Variants in LPP observed in about 807,000 individuals in gnomAD.
The protein encoded by LPP is LIM domain containing preferred translocation partner in lipoma, also known as lipoma-preferred partner.
A neutral mutation model predicts 60.4 loss-of-function variants in LPP; 38 were observed. That is an observed-to-expected ratio of 0.63 (90% CI 0.49 to 0.83). The LOEUF is 0.83. Among genes scored for constraint, LPP ranks in the 40% least tolerant of loss-of-function variants. The probability of loss-of-function intolerance (pLI) is 0.00; values close to 1 mark genes in which losing one functional copy is unlikely to be tolerated. For synonymous variants in LPP, 328 were observed against 290.8 expected (o/e 1.13, Z -1.30); for missense variants, 902 against 783.6 (o/e 1.15, Z -1.80).
At chr3:188,219,965 T>G (rs1715161161) in intron 1 of LPP, among the ~76,000 whole-genome samples, 1 of 152,186 alleles carries the variant, frequency 6.6e-6, no homozygotes, top group South Asian at 2.1e-4. Context: ...TTAGAAGTGA[T>G]CTCTGTGTTC....
chr3:188,503,522 T>C (rs1416115172), intron 5 of LPP, among the ~76,000 whole-genome samples: 1 of 152,196 alleles, frequency 6.6e-6, no homozygotes, highest in South Asian at 2.1e-4. Context: ...TTCTGACATC[T>C]GTATTTCTTT....
At chr3:188,367,614 A>G (rs1256224608) in intron 3 of LPP, among the ~76,000 whole-genome samples, 1 of 152,210 alleles carries the variant, frequency 6.6e-6, no homozygotes, top group East Asian at 1.9e-4. Context: ...TCAAGTCTAA[A>G]GCTATGCCCT....
At chr3:188,761,289 T>C (rs574332507) in intron 9 of LPP, among the ~76,000 whole-genome samples, 2 of 152,344 alleles carry the variant, frequency 1.3e-5, no homozygotes, top group South Asian at 4.1e-4. Flanking sequence ...GCCTGGTTGG[T>C]ATTTTCCTAT....
At chr3:188,164,853 G>A (rs1719452026) in intron 1 of LPP, among the ~76,000 whole-genome samples, 1 of 152,126 alleles carries the variant, frequency 6.6e-6, no homozygotes, top group African/African-American at 2.4e-5. Flanking sequence ...TGTATCAGGT[G>A]CATCTGTGAA....
At chr3:188,234,070 C>T (rs1265124550) in intron 2 of LPP, among the ~76,000 whole-genome samples, 1 of 152,128 alleles carries the variant, frequency 6.6e-6, no homozygotes, top group Non-Finnish European at 1.5e-5. Flanking sequence ...TCCTTTAAGC[C>T]TCCTGTGTTG....
chr3:188,397,738 C>T (rs770366607), intron 3 of LPP, among the ~76,000 whole-genome samples: 3 of 152,068 alleles, frequency 2.0e-5, no homozygotes. Context: ...CTTAGCCTCC[C>T]AAGTAGCTGG....
At chr3:188,244,903 A>C (rs567383428) in intron 2 of LPP, among the ~76,000 whole-genome samples, 32 of 152,222 alleles carry the variant, frequency 2.1e-4, no homozygotes, top group African/African-American at 7.7e-4. Context: ...AATGAATCTG[A>C]GTGAATGAAT....
intron 9 of LPP, among the ~76,000 whole-genome samples, chr3:188,791,394 G>A (rs942616590): frequency 1.3e-5 from 2 of 151,930 alleles, no homozygotes; most frequent in African/African-American, 4.8e-5. Context: ...TCTGTCTCTA[G>A]TTGTTCTGTA....
intron 1 of LPP, among the ~76,000 whole-genome samples, chr3:188,218,167 C>T (rs114338848): frequency 1.8e-4 from 27 of 152,344 alleles, no homozygotes; most frequent in African/African-American, 6.3e-4. Context: ...CTCTCCTTGT[C>T]TTGAGGACTG....
intron 9 of LPP, among the ~76,000 whole-genome samples, chr3:188,770,168 CTTTTTTTTTT>C (rs57278260): frequency 0.09 from 5,836 of 64,676 alleles, 492 homozygotes; most frequent in African/African-American, 0.28. Context: ...AGTTATAATT[CTTTTTTTTTT>C]TTTTTTTTTT....
chr3:188,548,053 C>T (rs1488906848), intron 6 of LPP, among the ~76,000 whole-genome samples: 3 of 152,156 alleles, frequency 2.0e-5, no homozygotes, highest in South Asian at 4.1e-4. Context: ...CCATTGTTAA[C>T]GTGGGATCTC....
intron 1 of LPP, among the ~76,000 whole-genome samples, chr3:188,195,982 C>T (rs1269855012): frequency 6.6e-6 from 1 of 152,178 alleles, no homozygotes. Context: ...CTTCTTTTGG[C>T]TTCTTAACCC....
At chr3:188,372,679 T>C (rs533101082) in intron 3 of LPP, among the ~76,000 whole-genome samples, 5 of 151,948 alleles carry the variant, frequency 3.3e-5, no homozygotes, top group African/African-American at 9.6e-5. Flanking sequence ...GTAAATATTA[T>C]GTTGGCTTCT....
intron 4 of LPP, among the ~76,000 whole-genome samples, chr3:188,443,014 A>C (rs558512650): frequency 1.3e-5 from 2 of 152,188 alleles, no homozygotes; most frequent in African/African-American, 2.4e-5. Flanking sequence ...GAGACACACA[A>C]ATTTTTTTTC....
intron 9 of LPP, among the ~76,000 whole-genome samples, chr3:188,775,113 C>A (rs972582043): frequency 2.0e-5 from 3 of 147,864 alleles, no homozygotes; most frequent in Non-Finnish European, 4.5e-5. Flanking sequence ...AGTGTAGTGG[C>A]ACAATCTTGG....
At chr3:188,757,889 G>GTTTAT (rs1730815294) in intron 8 of LPP, among the ~76,000 whole-genome samples, 1 of 78,740 alleles carries the variant, frequency 1.3e-5, no homozygotes, top group African/African-American at 5.1e-5. Context: ...TGTTTTTTTG[G>GTTTAT]TTTTTTTTTT....
At chr3:188,541,485 A>G (rs1159547711) in intron 6 of LPP, among the ~76,000 whole-genome samples, 1 of 152,164 alleles carries the variant, frequency 6.6e-6, no homozygotes, top group East Asian at 1.9e-4. Context: ...TAGAGGAGGA[A>G]AAACCATAAC....
In LPP at chr3:188,798,728, G is replaced by A. The variant is rs140884297; in HGVS notation, c.1410+38446G>A. On this transcript the variant is annotated intron_variant, in intron 9 of 11. Coordinates refer to ENST00000617246, the MANE Select transcript of LPP (RefSeq NM_001375462.1). ...GAGACCTTAATTAATGTAGCCATAT[G>A]TTGACTTCCTGGAGCACTCATAACA... Among the ~76,000 whole-genome samples, 26 of 152,288 alleles carry A rather than the reference G, an allele frequency of 1.7e-4. No individual in the cohort carries two copies. In the East Asian group the frequency reaches 4.5e-3, roughly 26 times the overall value.
At chr3:188,850,912 A>G (rs541178493) in intron 9 of LPP, among the ~76,000 whole-genome samples, 1 of 152,336 alleles carries the variant, frequency 6.6e-6, no homozygotes, top group South Asian at 2.1e-4. Flanking sequence ...GTATCCCTTT[A>G]TTCCAATAAA....
Sources: allele counts gnomAD v4.1 joint callset (sites outside exome capture counted in the v4.1 genomes callset), GRCh38; gene constraint gnomAD v4.1.1; transcripts MANE v1.5; gene names NCBI Gene and HGNC (gene_info 2026-07-23, HGNC 2026-07-21).